Variants in COBLL1 observed in about 807,000 individuals in gnomAD.
COBLL1 encodes cordon-bleu WH2 repeat protein like 1.
Under a neutral mutation model 94.8 loss-of-function variants are expected in COBLL1, and 50 were observed. The ratio of observed to expected loss-of-function variants is 0.53; its 90% CI spans 0.42 to 0.67. The LOEUF is 0.67. COBLL1 is among the 30% of genes least tolerant of loss of function. The pLI is 0.00. For missense variants in COBLL1, 1,362 were observed against 1,348.7 expected, an observed-to-expected ratio of 1.01 and a Z score of -0.15; for synonymous variants, 448 against 473.8, an observed-to-expected ratio of 0.95 and a Z score of 0.71.
At position 164,682,448 on chromosome 2, in the gene COBLL1, G is replaced by C. The variant is rs1175320367; in HGVS notation, c.*3498C>G. ...CATACATAATTGTATCAATTGGGAC[G>C]CTTTGGGTTTTAAGCACCTATAAGT... On this transcript the variant is annotated 3_prime_UTR_variant, in exon 14 of 14. Transcript: ENST00000652658. 6.6e-6 allele frequency: 1 copy of C among 152,156 alleles called. No individual in the cohort carries two copies. The highest frequency in any genetic ancestry group is 2.4e-5 in the African/African-American group (1 of 41,432). 9.4% of individuals were successfully genotyped at this position (152,156 alleles called of 1,614,324 possible). A position where few individuals can be genotyped will look rare whatever the true frequency, so the allele number is the denominator to read the frequency against.
intron 1 of COBLL1, among the ~76,000 whole-genome samples, chr2:164,670,708 G>A (rs1300769184): frequency 1.3e-5 from 2 of 152,270 alleles, no homozygotes; most frequent in South Asian, 2.1e-4. Flanking sequence ...TGCCCCTGAT[G>A]TCCCTGTGGG....
chr2:164,821,631 C>A (rs368922917), intron 2 of COBLL1, among the ~76,000 whole-genome samples: 1 of 152,142 alleles, frequency 6.6e-6, no homozygotes, highest in African/African-American at 2.4e-5. Flanking sequence ...GGAACCACTG[C>A]CAACAATAAA....
chr2:164,704,468 A>G lies in COBLL1; in HGVS notation c.1201T>C (p.Ser401Pro). ...CCTGGGCTGGATAGCTCCTCAGGAG[A>G]GTTTGCTTCTGAAGCACTGTCTGGA... ...VPPDSASEAN[S>P]PEELSSPAGI... Residue 401 changes from serine (S) to proline (P), a missense_variant, in exon 9 of 14, where the codon TCT becomes CCT. Coordinates refer to ENST00000652658, the MANE Select transcript of COBLL1 (RefSeq NM_001365672.2). 2 of 1,613,302 alleles carry G rather than the reference A, an allele frequency of 1.2e-6. No individual in the cohort carries two copies. The highest frequency in any genetic ancestry group is 2.2e-5 in the South Asian group (2 of 91,056).
chr2:164,704,406 T>C (rs774175690), intron 9 of COBLL1, 38 bp downstream of exon 9: 2 of 1,323,870 alleles, frequency 1.5e-6, no homozygotes, highest in Non-Finnish European at 1.1e-6. Context: ...GGACGTCCTT[T>C]TTCAGTAATT....
At chr2:164,690,045 T>C (rs1246476238) in intron 13 of COBLL1, among the ~76,000 whole-genome samples, 1 of 152,286 alleles carries the variant, frequency 6.6e-6, no homozygotes, top group East Asian at 1.9e-4. Flanking sequence ...TATATGACAG[T>C]CCATTCTTTG....
intron 9 of COBLL1, among the ~76,000 whole-genome samples, chr2:164,701,633 T>G (rs1684265118): frequency 6.6e-6 from 1 of 151,742 alleles, no homozygotes; most frequent in Admixed American, 6.6e-5. Context: ...TGTTTACACA[T>G]AAATATTTTC....
Position 164,816,431 on chromosome 2 carries a change from A to G in COBLL1, c.41+24725T>C, listed in dbSNP as rs557478048. Among the ~76,000 whole-genome samples the G allele has an allele frequency of 3.0e-4, 45 of 152,298 alleles. 1 individual carries two copies. In the South Asian group the frequency reaches 8.3e-3, roughly 28 times the overall value. On this transcript the variant is annotated intron_variant, in intron 2 of 13. Coordinates refer to ENST00000652658, the MANE Select transcript of COBLL1 (RefSeq NM_001365672.2). ...TTCTACAGAATCTGGCCTTTACTGT[A>G]CAGACAGCAAAGACTTTTGGGAAGA...
chr2:164,703,040 A>G, intron 9 of COBLL1: 1 of 883,606 alleles, frequency 1.1e-6, no homozygotes, highest in Admixed American at 2.2e-5. Flanking sequence ...CATCAAATTT[A>G]CAGTCGATGA....
chr2:164,827,267 C>T (rs1189221517), intron 2 of COBLL1, among the ~76,000 whole-genome samples: 2 of 152,050 alleles, frequency 1.3e-5, no homozygotes, highest in African/African-American at 4.8e-5. Context: ...TAAGGTTTTT[C>T]TCATGGTAAA....
intron 7 of COBLL1, among the ~76,000 whole-genome samples, chr2:164,714,566 T>C (rs1374723454): frequency 2.0e-5 from 3 of 152,072 alleles, no homozygotes; most frequent in African/African-American, 7.2e-5. Context: ...AGAGTGAAGC[T>C]ACAGTCAATC....
chr2:164,688,376 G>A (rs144122868), intron 13 of COBLL1, among the ~76,000 whole-genome samples: 41 of 152,176 alleles, frequency 2.7e-4, no homozygotes, highest in Non-Finnish European at 5.0e-4. Flanking sequence ...TAGTGCCTGG[G>A]ACAGTGTAGT....
At chr2:164,837,561 A>G in intron 2 of COBLL1, 1 of 433,826 alleles carries the variant, frequency 2.3e-6, no homozygotes, top group African/African-American at 2.1e-5. Flanking sequence ...TATAAAAATG[A>G]TTTATCATTT....
chr2:164,800,632 A>C (rs7588491), intron 2 of COBLL1: 227,645 of 686,836 alleles, frequency 0.33, 39,794 homozygotes, highest in Admixed American at 0.43. Flanking sequence ...TTCATAATGA[A>C]CCCAAACTGG....
At chr2:164,842,027 G>T, upstream of COBLL1, 1 of 1,537,696 alleles carries the variant, frequency 6.5e-7, no homozygotes. Context: ...ACATAAGTGG[G>T]GACCAGCTCG....
chr2:164,837,235 C>T (rs558303091), intron 2 of COBLL1, among the ~76,000 whole-genome samples: 8 of 151,840 alleles, frequency 5.3e-5, no homozygotes, highest in East Asian at 1.9e-4. Context: ...ATTTAAATTT[C>T]GAAGGATTTT....
At chr2:164,742,622 T>C (rs899882792) in intron 3 of COBLL1, among the ~76,000 whole-genome samples, 1 of 152,098 alleles carries the variant, frequency 6.6e-6, no homozygotes, top group African/African-American at 2.4e-5. Flanking sequence ...ACAAAATAAA[T>C]GGCAAAATGC....
At chr2:164,708,332 T>C (rs1684710367) in intron 7 of COBLL1, among the ~76,000 whole-genome samples, 1 of 152,038 alleles carries the variant, frequency 6.6e-6, no homozygotes, top group African/African-American at 2.4e-5. Context: ...TCTGACTAAA[T>C]ATTATGATCA....
At position 164,722,322 on chromosome 2, in the gene COBLL1, A is replaced by T; in HGVS notation, c.760-11T>A. 6.2e-7 allele frequency: 1 copy of T among 1,604,408 alleles called. No individual in the cohort carries two copies. The highest frequency in any genetic ancestry group is 8.5e-7 in the Non-Finnish European group (1 of 1,173,272). On this transcript the variant is annotated splice_polypyrimidine_tract_variant and intron_variant, in intron 6 of 13. Transcript: ENST00000652658. ...AGGGGCACTTGCAGTCTAGTAAAGA[A>T]TGACAAAGACAAAATCTAGTAATTT... is the stretch of plus-strand genomic sequence containing the variant.
In COBLL1 at chr2:164,728,035, G is replaced by A; in HGVS notation, c.595C>T (p.Leu199Phe). ...TCATTAAGAGATTTTGTCAAGTCAA[G>A]AGGCTCCTGCGATTGATAATCTTTC... ...LLKDYQSQEP[L>F]DLTKSLNDLG... Residue 199 changes from leucine to phenylalanine, a missense_variant, in exon 5 of 14, where the codon CTT becomes TTT. By Grantham distance (22) the Leu-to-Phe change is conservative (BLOSUM62 0). Transcript: ENST00000652658. The A allele has an allele frequency of 6.2e-7, 1 of 1,613,776 alleles. No individual in the cohort carries two copies. The highest frequency in any genetic ancestry group is 8.5e-7 in the Non-Finnish European group (1 of 1,179,738).
Sources: allele counts gnomAD v4.1 joint callset (sites outside exome capture counted in the v4.1 genomes callset), GRCh38; gene constraint gnomAD v4.1.1; transcripts MANE v1.5; gene names NCBI Gene and HGNC (gene_info 2026-07-23, HGNC 2026-07-21).